Variants in SPATA16 observed in about 807,000 individuals in gnomAD.
SPATA16 encodes the protein spermatogenesis-associated protein 16.
Under a neutral mutation model 63.3 loss-of-function variants are expected in SPATA16, and 36 were observed. The observed-to-expected ratio is 0.57, with a 90% CI of 0.44 to 0.75. The LOEUF is 0.75. Ranked by LOEUF, SPATA16 falls within the 30% of genes least tolerant of loss-of-function variation. The pLI is 0.00. For missense variants in SPATA16, 646 were observed against 679.3 expected, an observed-to-expected ratio of 0.95 and a Z score of 0.54; for synonymous variants, 203 against 216.7, an observed-to-expected ratio of 0.94 and a Z score of 0.56.
Position 172,961,022 on chromosome 3 carries a change from C to CTCTT in SPATA16, c.934-4202_934-4199dup, listed in dbSNP as rs1453748635. Among the ~76,000 whole-genome samples the CTCTT allele has an allele frequency of 6.9e-5, 3 of 43,606 alleles. No individual in the cohort carries two copies. In the East Asian group the frequency reaches 1.7e-3, roughly 25 times the overall value. 28.6% of individuals were successfully genotyped at this position (43,606 alleles called of 152,430 possible). A position where few individuals can be genotyped will look rare whatever the true frequency, so the allele number is the denominator to read the frequency against. ...TTTCTCTTTCTTTCTTTCTTTTTCT[C>CTCTT]TCTTTCTCTCTTTCTTTCTTTCTTT... On this transcript the variant is annotated intron_variant, in intron 5 of 10. Transcript: ENST00000351008.
chr3:173,017,212 G>T (rs1214410958), intron 4 of SPATA16, among the ~76,000 whole-genome samples: 3 of 152,146 alleles, frequency 2.0e-5, no homozygotes, highest in African/African-American at 7.2e-5. Flanking sequence ...GACAGTAATT[G>T]TATTGCATCT....
At chr3:173,006,690 ACTT>A (rs1245719403) in intron 4 of SPATA16, among the ~76,000 whole-genome samples, 2 of 152,176 alleles carry the variant, frequency 1.3e-5, no homozygotes, top group Non-Finnish European at 2.9e-5. Context: ...CTGGTACAGT[ACTT>A]CTTCTGAGTG....
At chr3:173,014,915 C>T (rs575741172) in intron 4 of SPATA16, among the ~76,000 whole-genome samples, 12 of 152,238 alleles carry the variant, frequency 7.9e-5, no homozygotes, top group East Asian at 1.9e-4. Context: ...CACTGTAGTT[C>T]GCAGAACATA....
At chr3:173,048,203 A>C (rs544022273) in intron 3 of SPATA16, among the ~76,000 whole-genome samples, 11 of 152,236 alleles carry the variant, frequency 7.2e-5, no homozygotes, top group African/African-American at 2.2e-4. Flanking sequence ...TAAATTGCTC[A>C]AAGTCAGGCA....
chr3:172,937,878 T>G (rs1359639805), intron 6 of SPATA16, among the ~76,000 whole-genome samples: 1 of 152,144 alleles, frequency 6.6e-6, no homozygotes, highest in East Asian at 1.9e-4. Flanking sequence ...CGGGTATACA[T>G]CATCCAGACA....
At chr3:173,077,314 C>T (rs532052583) in intron 2 of SPATA16, among the ~76,000 whole-genome samples, 16 of 151,562 alleles carry the variant, frequency 1.1e-4, no homozygotes, top group African/African-American at 3.4e-4. Context: ...TAGAAGGCAG[C>T]GGGAATCTAG....
intron 10 of SPATA16, among the ~76,000 whole-genome samples, chr3:172,892,281 G>T (rs1319137406): frequency 2.6e-5 from 4 of 152,126 alleles, no homozygotes; most frequent in Non-Finnish European, 4.4e-5. Context: ...TCTGCTCTCG[G>T]GTTGGCTTCT....
chr3:173,088,076 T>TTCTTTCTG (rs1479347114), intron 2 of SPATA16, among the ~76,000 whole-genome samples: 2 of 120,190 alleles, frequency 1.7e-5, no homozygotes, highest in Admixed American at 8.5e-5. Flanking sequence ...CTTTCTTTCT[T>TTCTTTCTG]TCTGTCTTTT....
chr3:173,132,310 AC>A, intron 1 of SPATA16, among the ~76,000 whole-genome samples: 1 of 152,164 alleles, frequency 6.6e-6, no homozygotes, highest in Non-Finnish European at 1.5e-5. Flanking sequence ...TATTTAAAAA[AC>A]CTTTGGAAAC....
chr3:173,006,547 C>T (rs1162027327), intron 4 of SPATA16, among the ~76,000 whole-genome samples: 1 of 152,232 alleles, frequency 6.6e-6, no homozygotes, highest in Non-Finnish European at 1.5e-5. Flanking sequence ...ACACTACCAT[C>T]ATCTCTTCAG....
intron 4 of SPATA16, among the ~76,000 whole-genome samples, chr3:172,988,352 T>G (rs933001325): frequency 6.6e-6 from 1 of 152,218 alleles, no homozygotes; most frequent in African/African-American, 2.4e-5. Context: ...GAATCAGGTT[T>G]CCTTTTCGGT....
At chr3:172,979,495 A>G (rs578136252) in intron 4 of SPATA16, among the ~76,000 whole-genome samples, 10 of 152,330 alleles carry the variant, frequency 6.6e-5, no homozygotes, top group Non-Finnish European at 1.3e-4. Context: ...AGTTATTGTC[A>G]TTTTTGGATT....
chr3:173,086,777 C>T (rs11926374), intron 2 of SPATA16, among the ~76,000 whole-genome samples: 5,575 of 152,140 alleles, frequency 0.037, 347 homozygotes, highest in African/African-American at 0.13. Context: ...TTAATTTCTG[C>T]CTTAATTTCA....
chr3:173,000,435 AT>A (rs1488964802), intron 4 of SPATA16, among the ~76,000 whole-genome samples: 2 of 152,174 alleles, frequency 1.3e-5, no homozygotes, highest in East Asian at 1.9e-4. Flanking sequence ...GAGAAGTTGA[AT>A]TTAATTCTTA....
At chr3:173,114,644 G>T (rs911882878) in intron 2 of SPATA16, among the ~76,000 whole-genome samples, 2 of 152,156 alleles carry the variant, frequency 1.3e-5, no homozygotes, top group African/African-American at 4.8e-5. Context: ...TTATTTTGCA[G>T]CCAAACCTAA....
intron 5 of SPATA16, among the ~76,000 whole-genome samples, chr3:172,973,560 G>T (rs145182813): frequency 9.2e-5 from 14 of 152,074 alleles, no homozygotes; most frequent in Non-Finnish European, 1.9e-4. Context: ...GAAAACTTTT[G>T]TGCCTCAGAA....
intron 2 of SPATA16, among the ~76,000 whole-genome samples, chr3:173,107,258 T>C (rs1737641501): frequency 6.6e-6 from 1 of 150,964 alleles, no homozygotes; most frequent in South Asian, 2.1e-4. Flanking sequence ...AAATCAATGA[T>C]CAATATTCAT....
intron 4 of SPATA16, among the ~76,000 whole-genome samples, chr3:173,010,542 C>T (rs1180244170): frequency 1.3e-5 from 2 of 151,376 alleles, no homozygotes; most frequent in Admixed American, 6.6e-5. Context: ...CTGCCGTGGT[C>T]CTTACCCCTG....
rs1015409216 is a variant in SPATA16 at position 172,889,601 on chromosome 3, A to G, written c.1679T>C (p.Met560Thr). The G allele has an allele frequency of 6.2e-7, 1 of 1,613,848 alleles. No homozygotes were observed. Among genetic ancestry groups the G allele is most frequent in the Admixed American group, 1.7e-5 (1 of 60,006 alleles). ...LRTARRQKTK[M>T]KRLQTVQQR ...TTGCTGAACAGTTTGAAGTCGCTTC[A>G]TTTTTGTTTTTTGCCTTCGAGCAGT... The change falls in exon 11 of 11, where the codon ATG becomes ACG. Residue 560 changes from methionine to threonine, a missense_variant. Transcript: ENST00000351008.
Sources: allele counts gnomAD v4.1 joint callset (sites outside exome capture counted in the v4.1 genomes callset), GRCh38; gene constraint gnomAD v4.1.1; transcripts MANE v1.5; gene names NCBI Gene and HGNC (gene_info 2026-07-23, HGNC 2026-07-21).